Variants in CFAP161 observed in about 807,000 individuals in gnomAD.
CFAP161 encodes cilia and flagella associated protein 161, also known as cilia- and flagella-associated protein 161.
CFAP161 carries 25 observed loss-of-function variants against 29.0 expected under a neutral mutation model. The ratio of observed to expected loss-of-function variants is 0.86; its 90% CI spans 0.63 to 1.20. CFAP161 has a LOEUF of 1.20. Among genes scored for constraint, CFAP161 ranks in the 50% most tolerant of loss-of-function variants. The probability of loss-of-function intolerance (pLI) is 0.00; values close to 1 mark genes in which losing one functional copy is unlikely to be tolerated. For missense variants in CFAP161, 367 were observed against 371.9 expected, an observed-to-expected ratio of 0.99 and a Z score of 0.11; for synonymous variants, 116 against 137.4, an observed-to-expected ratio of 0.84 and a Z score of 1.09.
At chr15:81,142,247 G>A (rs964211459) in intron 4 of CFAP161, among the ~76,000 whole-genome samples, 1 of 151,820 alleles carries the variant, frequency 6.6e-6, no homozygotes, top group Non-Finnish European at 1.5e-5. Flanking sequence ...TACTAGACAG[G>A]GTGCTGCCAG....
At chr15:81,111,660 C>A (rs1327223444) in intron 1 of CFAP161, among the ~76,000 whole-genome samples, 1 of 152,176 alleles carries the variant, frequency 6.6e-6, no homozygotes, top group Non-Finnish European at 1.5e-5. Context: ...CCCATCATCT[C>A]CCCTCTGCCT....
chr15:81,100,553 G>A (rs1418936183), intron 1 of CFAP161, among the ~76,000 whole-genome samples: 1 of 151,902 alleles, frequency 6.6e-6, no homozygotes, highest in African/African-American at 2.4e-5. Context: ...TTCTTCCATT[G>A]CCTACAATTT....
intron 1 of CFAP161, among the ~76,000 whole-genome samples, chr15:81,100,166 T>C (rs1413330543): frequency 6.6e-6 from 1 of 151,638 alleles, no homozygotes; most frequent in Non-Finnish European, 1.5e-5. Flanking sequence ...TGACAAAGTT[T>C]AATGCTCGTT....
At chr15:81,103,614 C>G (rs1416855115) in intron 1 of CFAP161, among the ~76,000 whole-genome samples, 1 of 152,202 alleles carries the variant, frequency 6.6e-6, no homozygotes, top group African/African-American at 2.4e-5. Flanking sequence ...CCCCATAGCT[C>G]GCCATATGCA....
rs756880351 is a variant in CFAP161 at position 81,148,334 on chromosome 15, C to T, written c.711-4C>T. 3.1e-6 allele frequency: 5 copies of T among 1,607,360 alleles called. No homozygotes were observed. The African/African-American group carries it at 6.7e-5, about 21-fold the overall frequency. ...AAACCACAACTGATTCTCTCTTGCT[C>T]CAGCACCTATTTTGGAAAGGAGGCT... On this transcript the variant is annotated splice_region_variant and splice_polypyrimidine_tract_variant and intron_variant, in intron 6 of 6. Transcript: ENST00000286732.
At chr15:81,119,387 C>T (rs1157467161) in intron 1 of CFAP161, among the ~76,000 whole-genome samples, 1 of 151,862 alleles carries the variant, frequency 6.6e-6, no homozygotes, top group Non-Finnish European at 1.5e-5. Flanking sequence ...TTTATATTAT[C>T]GTTAGAATAC....
At chr15:81,133,225 G>T (rs2683252), upstream of CFAP161, among the ~76,000 whole-genome samples, 3,975 of 25,844 alleles carry the variant, frequency 0.15, 282 homozygotes, top group African/African-American at 0.24. Flanking sequence ...ATATATATAT[G>T]TATTTTTTTT....
chr15:81,130,350 A>G (rs1210277106), upstream of CFAP161, among the ~76,000 whole-genome samples: 1 of 152,240 alleles, frequency 6.6e-6, no homozygotes, highest in Admixed American at 6.5e-5. Flanking sequence ...CAAGAGGCCC[A>G]GCTTTCAGCC....
chr15:81,146,296 A>G (rs1895004723), intron 5 of CFAP161, among the ~76,000 whole-genome samples: 1 of 152,166 alleles, frequency 6.6e-6, no homozygotes, highest in Admixed American at 6.6e-5. Flanking sequence ...TTTTGAAATA[A>G]TATATATTTT....
intron 1 of CFAP161, among the ~76,000 whole-genome samples, chr15:81,115,071 T>G (rs950035487): frequency 7.9e-5 from 12 of 152,182 alleles, no homozygotes; most frequent in African/African-American, 2.9e-4. Flanking sequence ...TGGGAAGATG[T>G]TTTTGCAGAA....
chr15:81,118,193 T>C (rs932470711), intron 1 of CFAP161: 3 of 475,722 alleles, frequency 6.3e-6, no homozygotes, highest in African/African-American at 4.1e-5. Flanking sequence ...AGTACAAATT[T>C]TTTCAATTTA....
At chr15:81,121,117 A>T (rs995680186) in intron 1 of CFAP161, among the ~76,000 whole-genome samples, 2 of 152,160 alleles carry the variant, frequency 1.3e-5, no homozygotes, top group Admixed American at 1.3e-4. Context: ...ATTTGATCAC[A>T]CAAACAATTC....
chr15:81,100,623 A>G (rs1894292112), intron 1 of CFAP161, among the ~76,000 whole-genome samples: 1 of 151,798 alleles, frequency 6.6e-6, no homozygotes, highest in Non-Finnish European at 1.5e-5. Flanking sequence ...AAAATTATCT[A>G]CTTTTTATCT....
intron 3 of CFAP161, among the ~76,000 whole-genome samples, chr15:81,137,417 A>G (rs999308219): frequency 1.3e-5 from 2 of 151,800 alleles, no homozygotes; most frequent in African/African-American, 4.9e-5. Context: ...CAACATGTCG[A>G]AACCCCATCT....
In CFAP161 at chr15:81,148,446, T is replaced by G; in HGVS notation, c.819T>G (p.Asp273Glu). ...TGTTGGTTACTGGGAATCCCAGGGA[T>G]GCCTCGTCCTCCATGTTGGATCTGC... ...HWMLVTGNPR[D>E]ASSSMLDLPK... The change falls in exon 7 of 7, where the codon GAT (aspartate) becomes GAG (glutamate). Residue 273 changes from aspartate (D) to glutamate (E), a missense_variant. By Grantham distance (45) the Asp-to-Glu change is conservative. Transcript: ENST00000286732. 1 of 1,614,216 alleles carries G rather than the reference T, an allele frequency of 6.2e-7. No individual in the cohort carries two copies. The highest frequency in any genetic ancestry group is 8.5e-7 in the Non-Finnish European group (1 of 1,180,052).
At chr15:81,147,757 T>C in intron 5 of CFAP161, 101 bp from the exon 6 acceptor site, 1 of 634,040 alleles carries the variant, frequency 1.6e-6, no homozygotes, top group Admixed American at 3.2e-5. Flanking sequence ...GAAATAAATG[T>C]ATAGTATAAT....
At chr15:81,147,832 A>G (rs1175033421) in intron 5 of CFAP161, 26 bp from the exon 6 acceptor site, 4 of 1,550,306 alleles carry the variant, frequency 2.6e-6, no homozygotes, top group Non-Finnish European at 3.5e-6. Context: ...TAGAATGCTA[A>G]TAACACATTT....
intron 1 of CFAP161, among the ~76,000 whole-genome samples, chr15:81,111,055 T>A (rs1894433976): frequency 6.6e-6 from 1 of 152,256 alleles, no homozygotes; most frequent in South Asian, 2.1e-4. Flanking sequence ...GTAGTTCTGT[T>A]AAACTGGATT....
At chr15:81,099,510 TCAGGAGCG>T (rs973376537) in intron 1 of CFAP161, 2 of 152,220 alleles carry the variant, frequency 1.3e-5, no homozygotes, top group Non-Finnish European at 2.9e-5. Context: ...CCACTGGAAC[TCAGGAGCG>T]CAGGTCAGTT....
Sources: allele counts gnomAD v4.1 joint callset (sites outside exome capture counted in the v4.1 genomes callset), GRCh38; gene constraint gnomAD v4.1.1; transcripts MANE v1.5; gene names NCBI Gene and HGNC (gene_info 2026-07-23, HGNC 2026-07-21).